MCC: variants seen among roughly 807,000 people sequenced by gnomAD.
MCC encodes the protein colorectal mutant cancer protein.
Under a neutral mutation model 116.2 loss-of-function variants are expected in MCC, and 90 were observed. The observed-to-expected ratio is 0.77, with a 90% CI of 0.65 to 0.92. The LOEUF is 0.92. MCC is among the 40% of genes least tolerant of loss of function. The probability of loss-of-function intolerance (pLI) is 0.00; values close to 1 mark genes in which losing one functional copy is unlikely to be tolerated. For synonymous variants in MCC, 578 were observed against 510.5 expected (o/e 1.13, Z -1.78); for missense variants, 1,516 against 1,312.2 (o/e 1.16, Z -2.40).
intron 1 of MCC, among the ~76,000 whole-genome samples, chr5:113,467,554 G>T (rs1771947131): frequency 6.6e-6 from 1 of 151,972 alleles, no homozygotes; most frequent in African/African-American, 2.4e-5. Context: ...TCTCTGTTTT[G>T]GTACCAGTAC....
chr5:113,043,687 A>G (rs1751881827), intron 16 of MCC, 57 bp from the exon 17 acceptor site: 1 of 1,334,698 alleles, frequency 7.5e-7, no homozygotes, highest in Non-Finnish European at 1.1e-6. Context: ...AGCACCCTGG[A>G]AGCCTGCAGC....
At chr5:113,254,278 GT>G (rs1258107947) in intron 3 of MCC, among the ~76,000 whole-genome samples, 2 of 152,092 alleles carry the variant, frequency 1.3e-5, no homozygotes, top group Non-Finnish European at 2.9e-5. Context: ...GCCATGTACT[GT>G]TTCTGAAAAC....
chr5:113,466,708 A>C (rs1771920202), intron 1 of MCC, among the ~76,000 whole-genome samples: 1 of 152,146 alleles, frequency 6.6e-6, no homozygotes, highest in Admixed American at 6.5e-5. Context: ...CAGTAATGGA[A>C]TGGCTGGGTC....
chr5:113,242,758 C>A (rs937589007), intron 3 of MCC, among the ~76,000 whole-genome samples: 1 of 152,032 alleles, frequency 6.6e-6, no homozygotes, highest in Admixed American at 6.5e-5. Context: ...AATGTGCTTC[C>A]CATCTCGGGT....
In MCC at chr5:113,488,331, G is replaced by T; in HGVS notation, c.84C>A (p.Ser28Arg). The change falls in exon 1 of 19, where the codon AGC becomes AGA. Residue 28 changes from serine to arginine, a missense_variant. Transcript: ENST00000408903. ...GGGGSGSSSS[S>R]SDTSSTGEEE... ...CCTCGCCGGTGCTGGACGTGTCGCT[G>T]CTGCTGCTGCTGCTGCCGCTGCCGC... 6.9e-7 allele frequency: 1 copy of T among 1,451,704 alleles called. No individual in the cohort carries two copies. The highest frequency in any genetic ancestry group is 9.1e-7 in the Non-Finnish European group (1 of 1,104,170). The allele number at this position is 1,451,704 out of a possible 1,614,324, so 89.9% of individuals were successfully genotyped here. A position where few individuals can be genotyped will look rare whatever the true frequency, so the allele number is the denominator to read the frequency against.
intron 3 of MCC, among the ~76,000 whole-genome samples, chr5:113,261,884 A>G (rs1765231895): frequency 6.6e-6 from 1 of 152,184 alleles, no homozygotes; most frequent in African/African-American, 2.4e-5. Flanking sequence ...AAGTGTCCAC[A>G]TGATGCAGTA....
At chr5:113,098,338 T>A (rs1048518329) in intron 8 of MCC, among the ~76,000 whole-genome samples, 1 of 152,332 alleles carries the variant, frequency 6.6e-6, no homozygotes, top group Non-Finnish European at 1.5e-5. Context: ...CTTGCAATGA[T>A]CTGTTTACTT....
At chr5:113,400,477 A>G (rs1217723763) in intron 1 of MCC, among the ~76,000 whole-genome samples, 4 of 152,114 alleles carry the variant, frequency 2.6e-5, no homozygotes, top group African/African-American at 7.2e-5. Flanking sequence ...GTGAAAGAAA[A>G]TACTTTAATG....
chr5:113,445,726 T>A (rs998998251), intron 1 of MCC, among the ~76,000 whole-genome samples: 1 of 152,140 alleles, frequency 6.6e-6, no homozygotes, highest in African/African-American at 2.4e-5. Flanking sequence ...AATGTTGTTT[T>A]TCACAGAATT....
chr5:113,188,974 C>T (rs918532938), intron 3 of MCC, among the ~76,000 whole-genome samples: 2 of 152,148 alleles, frequency 1.3e-5, no homozygotes, highest in African/African-American at 4.8e-5. Flanking sequence ...AAGGGGAACC[C>T]TTGTTACTCT....
intron 3 of MCC, among the ~76,000 whole-genome samples, chr5:113,190,610 A>G (rs1038405811): frequency 1.3e-5 from 2 of 152,212 alleles, no homozygotes. Flanking sequence ...TGAAAAAACC[A>G]AACAGACAAA....
At chr5:113,145,851 G>A (rs1327510880) in intron 4 of MCC, among the ~76,000 whole-genome samples, 1 of 151,368 alleles carries the variant, frequency 6.6e-6, no homozygotes. Flanking sequence ...GAGAGGGAGA[G>A]CTTGCTCTCT....
At chr5:113,461,961 C>T (rs569656751) in intron 1 of MCC, among the ~76,000 whole-genome samples, 1 of 152,114 alleles carries the variant, frequency 6.6e-6, no homozygotes, top group Non-Finnish European at 1.5e-5. Flanking sequence ...AAAATTATTA[C>T]ATATGAATAT....
intron 1 of MCC, among the ~76,000 whole-genome samples, chr5:113,394,219 A>G (rs1769471139): frequency 6.6e-6 from 1 of 152,100 alleles, no homozygotes; most frequent in Non-Finnish European, 1.5e-5. Context: ...GGTTATCCCC[A>G]TACTCAATTA....
intron 6 of MCC, among the ~76,000 whole-genome samples, chr5:113,118,362 T>TAA (rs144404238): frequency 6.6e-6 from 1 of 152,060 alleles, no homozygotes; most frequent in African/African-American, 2.4e-5. Context: ...GTAATTTTTT[T>TAA]AAAAAAAACA....
At chr5:113,320,858 A>G (rs1767407526) in intron 3 of MCC, among the ~76,000 whole-genome samples, 1 of 152,224 alleles carries the variant, frequency 6.6e-6, no homozygotes, top group African/African-American at 2.4e-5. Flanking sequence ...GTGAAGAGAG[A>G]GTTGATGTGA....
intron 2 of MCC, among the ~76,000 whole-genome samples, chr5:113,350,366 A>C (rs1410653892): frequency 6.6e-6 from 1 of 152,124 alleles, no homozygotes; most frequent in Admixed American, 6.6e-5. Flanking sequence ...GTGGAACAGA[A>C]TAGAGAACGC....
intron 3 of MCC, among the ~76,000 whole-genome samples, chr5:113,246,463 C>T (rs1378871011): frequency 6.6e-6 from 1 of 152,136 alleles, no homozygotes; most frequent in Admixed American, 6.5e-5. Flanking sequence ...ATTTCAGCCA[C>T]GGCTCTAGGG....
intron 1 of MCC, among the ~76,000 whole-genome samples, chr5:113,472,440 T>C (rs534826163): frequency 1.3e-5 from 2 of 152,358 alleles, no homozygotes; most frequent in South Asian, 4.1e-4. Flanking sequence ...TTTTATTTGT[T>C]TATGCATGTG....
Sources: allele counts gnomAD v4.1 joint callset (sites outside exome capture counted in the v4.1 genomes callset), GRCh38; gene constraint gnomAD v4.1.1; transcripts MANE v1.5; gene names NCBI Gene and HGNC (gene_info 2026-07-23, HGNC 2026-07-21).